The following RPS6KA6 variants were observed in gnomAD, a reference collection of about 807,000 sequenced individuals.
RPS6KA6 encodes the protein ribosomal protein S6 kinase alpha-6.
Under a neutral mutation model 65.4 loss-of-function variants are expected in RPS6KA6, and 27 were observed. That is an observed-to-expected ratio of 0.41 (90% CI 0.30 to 0.57). The LOEUF (loss-of-function observed/expected upper bound fraction) is 0.57. Among genes scored for constraint, RPS6KA6 ranks in the 20% least tolerant of loss-of-function variants. The pLI, the probability that RPS6KA6 is intolerant of heterozygous loss-of-function variation, is 0.24. For synonymous variants in RPS6KA6, 190 were observed against 184.2 expected (o/e 1.03, Z -0.26); for missense variants, 486 against 555.6 (o/e 0.87, Z 1.26).
rs768334608 is a variant in RPS6KA6 at position 84,102,311 on chromosome X, AT to A, written c.1615-114del. 5.1e-4 allele frequency: 218 copies of A among 429,740 alleles called. No individual in the cohort carries two copies. The African/African-American group carries it at 5.2e-3, about 10-fold the overall frequency. 35.4% of individuals were successfully genotyped at this position (429,740 alleles called of 1,213,427 possible). On this transcript the variant is annotated intron_variant, in intron 17 of 21. Coordinates refer to ENST00000262752, the MANE Select transcript of RPS6KA6 (RefSeq NM_014496.5). Reference sequence around the variant, plus strand: ...TATCTGAGAAAAAGAAACTTTCCAAATTACAAAATTTTGAAAATGACATTTT... The same window carrying A: ...TATCTGAGAAAAAGAAACTTTCCAAATACAAAATTTTGAAAATGACATTTT...
chrX:84,147,666 C>A (rs914617871), intron 4 of RPS6KA6, among the ~76,000 whole-genome samples: 4 of 111,421 alleles, frequency 3.6e-5, no homozygotes, highest in African/African-American at 6.5e-5. Flanking sequence ...TGATCATAAG[C>A]GGTATTTTTA....
chrX:84,074,035 A>G (rs6616892), intron 20 of RPS6KA6, among the ~76,000 whole-genome samples: 6,904 of 111,874 alleles, frequency 0.062, 228 homozygotes, highest in East Asian at 0.2. Flanking sequence ...TTACCCAAAC[A>G]AAATGAGAAC....
At chrX:84,136,973 T>A (rs1028357172) in intron 6 of RPS6KA6, among the ~76,000 whole-genome samples, 1 of 111,961 alleles carries the variant, frequency 8.9e-6, no homozygotes, top group Non-Finnish European at 1.9e-5. Context: ...TGCCACATGC[T>A]GTGATGCAAT....
intron 20 of RPS6KA6, among the ~76,000 whole-genome samples, chrX:84,089,037 C>A (rs1024445341): frequency 9.0e-6 from 1 of 110,895 alleles, no homozygotes; most frequent in Non-Finnish European, 1.9e-5. Flanking sequence ...CCACCAGGGG[C>A]TCCATCCTAG....
chrX:84,150,982 T>C (rs1220264366), intron 3 of RPS6KA6, among the ~76,000 whole-genome samples: 2 of 90,003 alleles, frequency 2.2e-5, no homozygotes, highest in Non-Finnish European at 2.2e-5. Context: ...ATATAGGATA[T>C]ATATATAGAG....
At chrX:84,134,109 G>A (rs1297330222) in intron 8 of RPS6KA6, among the ~76,000 whole-genome samples, 1 of 111,490 alleles carries the variant, frequency 9.0e-6, no homozygotes, top group African/African-American at 3.3e-5. Flanking sequence ...TTTTAGACTG[G>A]CTCGCTCAGC....
At position 84,060,796 on chromosome X, in the gene RPS6KA6, T is replaced by G. The variant is rs2147306021; in HGVS notation, c.*3481A>C. 1 of 112,274 alleles carries G rather than the reference T, an allele frequency of 8.9e-6. No individual in the cohort carries two copies. The highest frequency in any genetic ancestry group is 3.2e-5 in the African/African-American group (1 of 30,975). The allele number at this position is 112,274 out of a possible 1,213,427, so 9.3% of individuals were successfully genotyped here. On this transcript the variant is annotated 3_prime_UTR_variant, in exon 22 of 22. Coordinates refer to ENST00000262752, the MANE Select transcript of RPS6KA6 (RefSeq NM_014496.5). The stretch of plus-strand genomic sequence containing the variant: ...GTGATAGGAACTGAATTTAAAATTA[T>G]CACCTTGTTAGATTGCCTGAAGATC...
intron 9 of RPS6KA6, among the ~76,000 whole-genome samples, chrX:84,119,027 C>A (rs1008520916): frequency 8.9e-6 from 1 of 111,882 alleles, no homozygotes; most frequent in African/African-American, 3.2e-5. Flanking sequence ...TCTTGACACA[C>A]AACTATTTAA....
chrX:84,130,042 T>C (rs917228489), intron 8 of RPS6KA6, among the ~76,000 whole-genome samples: 1 of 111,678 alleles, frequency 9.0e-6, no homozygotes, highest in Non-Finnish European at 1.9e-5. Flanking sequence ...AGGTGATGTA[T>C]ATACCCCATT....
At chrX:84,102,808 G>A (rs1034660713) in intron 17 of RPS6KA6, among the ~76,000 whole-genome samples, 3 of 110,377 alleles carry the variant, frequency 2.7e-5, no homozygotes, top group Non-Finnish European at 5.7e-5. Context: ...ACACAGTGGT[G>A]GTAAAGACAT....
intron 9 of RPS6KA6, among the ~76,000 whole-genome samples, chrX:84,119,547 G>A (rs554936380): frequency 2.2e-4 from 25 of 111,512 alleles, no homozygotes; most frequent in Admixed American, 2.2e-3. Context: ...ATGGTAAGGT[G>A]CTAAGTTCTG....
At chrX:84,077,459 A>G (rs1407704289) in intron 20 of RPS6KA6, among the ~76,000 whole-genome samples, 1 of 111,842 alleles carries the variant, frequency 8.9e-6, no homozygotes, top group Non-Finnish European at 1.9e-5. Context: ...AAACAGAACC[A>G]TGGATATTTG....
intron 1 of RPS6KA6, among the ~76,000 whole-genome samples, chrX:84,175,811 C>T (rs984701917): frequency 5.4e-5 from 6 of 111,146 alleles, no homozygotes; most frequent in African/African-American, 1.3e-4. Flanking sequence ...TGGAAAAATG[C>T]GTAAATACAC....
chrX:84,086,475 TATCTTA>T (rs2033923937), intron 20 of RPS6KA6, among the ~76,000 whole-genome samples: 1 of 111,927 alleles, frequency 8.9e-6, no homozygotes, highest in Non-Finnish European at 1.9e-5. Context: ...TTTGAGTAAA[TATCTTA>T]ATCTTGAGTT....
intron 13 of RPS6KA6, 82 bp downstream of exon 13, chrX:84,107,541 T>C (rs2034384768): frequency 1.8e-6 from 1 of 552,835 alleles, no homozygotes; most frequent in Non-Finnish European, 2.8e-6. Flanking sequence ...ACCATTCTTT[T>C]AGTTTTTACT....
chrX:84,092,861 T>C lies in RPS6KA6; in HGVS notation c.1971+3333A>G, dbSNP rs1474142317. 6.3e-5 allele frequency among the ~76,000 whole-genome samples: 7 copies of C among 111,518 alleles called. No individual in the cohort carries two copies. The Admixed American group carries it at 6.7e-4, about 11-fold the overall frequency. On this transcript the variant is annotated intron_variant, in intron 20 of 21. Transcript: ENST00000262752. ...ATCCAAAGGAAATGGAATCAGTATG[T>C]AGGAGAGCTATCTGTATGCTCAGGT...
chrX:84,167,917 T>C (rs1384730736), intron 1 of RPS6KA6, among the ~76,000 whole-genome samples: 4 of 111,188 alleles, frequency 3.6e-5, no homozygotes, highest in Non-Finnish European at 7.5e-5. Flanking sequence ...AATTTTACTA[T>C]ATGAAAAATT....
chrX:84,163,320 T>A (rs905375023), intron 2 of RPS6KA6, among the ~76,000 whole-genome samples: 2 of 111,665 alleles, frequency 1.8e-5, no homozygotes, highest in Non-Finnish European at 3.8e-5. Flanking sequence ...TTACATAATA[T>A]CTCTGAGGTT....
intron 19 of RPS6KA6, among the ~76,000 whole-genome samples, chrX:84,097,126 C>T (rs909941566): frequency 9.0e-6 from 1 of 111,057 alleles, no homozygotes; most frequent in Non-Finnish European, 1.9e-5. Context: ...TAATTACTTG[C>T]TAAACTTGGC....
Sources: gnomAD v4.1 joint callset for allele counts (sites outside exome capture counted in the v4.1 genomes callset) on GRCh38, gnomAD v4.1.1 for gene constraint, MANE v1.5 for transcripts, NCBI Gene and HGNC (gene_info 2026-07-23, HGNC 2026-07-21) for gene names.